Variants in ZNF518A observed in about 807,000 individuals in gnomAD.
ZNF518A encodes the protein zinc finger protein 518A.
ZNF518A carries 47 observed loss-of-function variants against 102.7 expected under a neutral mutation model. The observed-to-expected ratio is 0.46, with a 90% CI of 0.36 to 0.58. The LOEUF is 0.58. Among genes scored for constraint, ZNF518A ranks in the 20% least tolerant of loss-of-function variants. The pLI, the probability that ZNF518A is intolerant of heterozygous loss-of-function variation, is 0.00. For synonymous variants in ZNF518A, 652 were observed against 594.6 expected (o/e 1.10, Z -1.40); for missense variants, 1,793 against 1,699.8 (o/e 1.05, Z -0.96).
Position 96,159,152 on chromosome 10 carries a change from A to G in ZNF518A, c.2830A>G (p.Ile944Val), listed in dbSNP as rs782476866. Residue 944 changes from isoleucine to valine, a missense_variant, in exon 6 of 6, where the codon ATT becomes GTT. Transcript: ENST00000316045. ...AAAAGGATTCTTAATACCATTGAAC[A>G]TTACTAACAAGCCTGGGCTACCAGT... ...TSKGFLIPLNITNKPGLPVIP... is the reference protein window; with the variant it reads ...TSKGFLIPLNVTNKPGLPVIP... 6 of 1,613,500 alleles carry G rather than the reference A, an allele frequency of 3.7e-6. No homozygotes were observed. In the Admixed American group the frequency reaches 6.7e-5, roughly 18 times the overall value.
In ZNF518A at chr10:96,196,860, A is replaced by G. The variant is rs1554894793; in HGVS notation, n.36-6714A>G. On this transcript the variant is annotated intron_variant and non_coding_transcript_variant, in intron 1 of 2. Coordinates refer to the ZNF518A transcript ENST00000442635. ...ATCTAATACAGTATTTGATGTCATT[A>G]TACTCAATGCATAGTTATAGAATTG... 4 of 1,572,128 alleles carry G rather than the reference A, an allele frequency of 2.5e-6. No homozygotes were observed. In the African/African-American group the frequency reaches 5.4e-5, roughly 21 times the overall value.
rs1554889147 is a variant in ZNF518A, at chr10:96,163,484, AC to A, written c.*2711del. 1.2e-5 allele frequency: 2 copies of A among 166,968 alleles called. No individual in the cohort carries two copies. Among genetic ancestry groups the A allele is most frequent in the African/African-American group, 4.8e-5 (2 of 41,430 alleles). 10.3% of individuals were successfully genotyped at this position (166,968 alleles called of 1,614,324 possible). ...CCATCTCCACTGAAATGGGTTTCTT[AC>A]TATTTGGCAAGTACTTAAAAAACAT... On this transcript the variant is annotated 3_prime_UTR_variant, in exon 6 of 6. Coordinates refer to ENST00000316045, the MANE Select transcript of ZNF518A (RefSeq NM_001330736.2).
Position 96,162,045 on chromosome 10 carries a change from T to C in ZNF518A, c.*1271T>C, listed in dbSNP as rs2083020669. ...CTGGTTCTTTGGATAATGGAGTTCTTGTGTTAACAAATTACGTGCTATATG... is the reference window on the plus strand; with the variant it reads ...CTGGTTCTTTGGATAATGGAGTTCTCGTGTTAACAAATTACGTGCTATATG... On this transcript the variant is annotated 3_prime_UTR_variant, in exon 6 of 6. Coordinates refer to ENST00000316045, the MANE Select transcript of ZNF518A (RefSeq NM_001330736.2). The C allele has an allele frequency of 6.0e-6, 1 of 166,990 alleles. No homozygotes were observed. The highest frequency in any genetic ancestry group is 2.1e-4 in the South Asian group (1 of 4,834). 10.3% of individuals were successfully genotyped at this position (166,990 alleles called of 1,614,324 possible). A position where few individuals can be genotyped will look rare whatever the true frequency, so the allele number is the denominator to read the frequency against.
Position 96,157,235 on chromosome 10 carries a change from G to A in ZNF518A, c.913G>A (p.Ala305Thr). Reference protein sequence around the residue: ...LEKDKYEKRMAKTSAGLKLIL... With the variant: ...LEKDKYEKRMTKTSAGLKLIL... ...AAAAGACAAATATGAAAAAAGAATGGCAAAGACTTCTGCAGGACTTAAGCT... is the reference window on the plus strand; with the variant it reads ...AAAAGACAAATATGAAAAAAGAATGACAAAGACTTCTGCAGGACTTAAGCT... Residue 305 changes from alanine (A) to threonine (T), a missense_variant, in exon 6 of 6, where the codon GCA (alanine) becomes ACA (threonine). Transcript: ENST00000316045. 6.2e-7 allele frequency: 1 copy of A among 1,609,636 alleles called. No homozygotes were observed.
chr10:96,182,654 C>G (rs587732100), intron 1 of ZNF518A, among the ~76,000 whole-genome samples: 244 of 152,278 alleles, frequency 1.6e-3, no homozygotes, highest in African/African-American at 5.4e-3. Context: ...GTTGAACCAG[C>G]CTTGCATCCC....
In ZNF518A at chr10:96,158,553, C is replaced by T. The variant is rs61731062; in HGVS notation, c.2231C>T (p.Ala744Val). The change falls in exon 6 of 6, where the codon GCG becomes GTG. Residue 744 changes from alanine to valine, a missense_variant. Ala to Val is a moderately conservative substitution (Grantham distance 64). This residue lies in a region of ZNF518A where 1,741 missense variants were observed against 1,622.6 expected (regional missense o/e 1.07). Coordinates refer to ENST00000316045, the MANE Select transcript of ZNF518A (RefSeq NM_001330736.2). ...AATGAAAATCAAAATTTAGAGTGTG[C>T]GACTGAAAAATCTAAATGGGAAGAC... Reference protein sequence around the residue: ...YSNENQNLECATEKSKWEDFS... With the variant: ...YSNENQNLECVTEKSKWEDFS... The T allele has an allele frequency of 1.9e-4, 305 of 1,612,684 alleles. 1 individual carries two copies. The African/African-American group carries it at 3.1e-3, about 16-fold the overall frequency.
intron 3 of ZNF518A, among the ~76,000 whole-genome samples, chr10:96,146,147 T>C (rs1554878424): frequency 1.3e-5 from 2 of 152,208 alleles, no homozygotes; most frequent in African/African-American, 4.8e-5. Context: ...TGTTAATAAA[T>C]GTGAGTTTAC....
chr10:96,199,649 C>A, intron 1 of ZNF518A: 1 of 395,912 alleles, frequency 2.5e-6, no homozygotes, highest in Non-Finnish European at 5.1e-6. Flanking sequence ...ACACTTGTTG[C>A]AATTATTTAA....
intron 1 of ZNF518A, among the ~76,000 whole-genome samples, chr10:96,179,089 ACAT>A (rs1441708361): frequency 1.3e-5 from 2 of 152,132 alleles, no homozygotes; most frequent in Non-Finnish European, 2.9e-5. Flanking sequence ...TTTGATGAAG[ACAT>A]TGTAAGTAAA....
intron 1 of ZNF518A, among the ~76,000 whole-genome samples, chr10:96,201,495 T>C (rs1554896135): frequency 1.3e-5 from 2 of 152,242 alleles, no homozygotes; most frequent in Non-Finnish European, 2.9e-5. Context: ...TAACATGTAA[T>C]GAGTTTAATA....
rs995099426 is a variant in ZNF518A at position 96,163,102 on chromosome 10, C to T, written c.*2328C>T. ...TAATATTCGCAGCACTATAACATTACATTTCAGAATAGCCATATCAGGAAA... is the reference window on the plus strand; with the variant it reads ...TAATATTCGCAGCACTATAACATTATATTTCAGAATAGCCATATCAGGAAA... On this transcript the variant is annotated 3_prime_UTR_variant, in exon 6 of 6. Coordinates refer to ENST00000316045, the MANE Select transcript of ZNF518A (RefSeq NM_001330736.2). 4 of 167,010 alleles carry T rather than the reference C, an allele frequency of 2.4e-5. No individual in the cohort carries two copies. Among genetic ancestry groups the T allele is most frequent in the Admixed American group, 2.0e-4 (3 of 15,274 alleles). The allele number at this position is 167,010 out of a possible 1,614,324, so 10.3% of individuals were successfully genotyped here. A position where few individuals can be genotyped will look rare whatever the true frequency, so the allele number is the denominator to read the frequency against.
intron 3 of ZNF518A, among the ~76,000 whole-genome samples, chr10:96,142,305 G>GGGGTGT (rs1299273019): frequency 3.7e-4 from 39 of 104,132 alleles, no homozygotes; most frequent in East Asian, 7.4e-4. Context: ...ATATTCTTAG[G>GGGGTGT]GTGTGTGTGT....
At chr10:96,168,105 A>G (rs1031835071), downstream of ZNF518A, among the ~76,000 whole-genome samples, 12 of 152,344 alleles carry the variant, frequency 7.9e-5, no homozygotes, top group Admixed American at 7.2e-4. Context: ...AGGGAAGAAC[A>G]AGAGTTACGA....
chr10:96,147,501 T>C (rs1474462716), intron 3 of ZNF518A, among the ~76,000 whole-genome samples: 1 of 152,222 alleles, frequency 6.6e-6, no homozygotes, highest in African/African-American at 2.4e-5. Flanking sequence ...GTATATCTTA[T>C]AGTAACAACT....
At chr10:96,177,983 C>T (rs181582342) in intron 1 of ZNF518A, among the ~76,000 whole-genome samples, 32 of 152,076 alleles carry the variant, frequency 2.1e-4, no homozygotes, top group African/African-American at 5.3e-4. Flanking sequence ...GAAGTAAAAG[C>T]GACAGAACTA....
At chr10:96,143,196 C>A (rs1564749738) in intron 3 of ZNF518A, among the ~76,000 whole-genome samples, 1 of 152,170 alleles carries the variant, frequency 6.6e-6, no homozygotes, top group East Asian at 1.9e-4. Context: ...TTAATTTCCT[C>A]ATTTCTATTT....
chr10:96,160,689 G>A lies in ZNF518A; in HGVS notation c.4367G>A (p.Arg1456Lys), dbSNP rs2082963234. Residue 1456 changes from arginine to lysine, a missense_variant, in exon 6 of 6, where the codon AGA becomes AAA. Arg to Lys is a conservative substitution (Grantham distance 26, BLOSUM62 2). Transcript: ENST00000316045. ...AAATTTAACTGTTGGTTTTGTGGTA[G>A]AGTATTTGACAATCAGGATACTTGG... is the stretch of plus-strand genomic sequence containing the variant. Reference protein sequence around the residue: ...KAKFNCWFCGRVFDNQDTWAG... With the variant: ...KAKFNCWFCGKVFDNQDTWAG... 3.7e-6 allele frequency: 6 copies of A among 1,612,970 alleles called. No homozygotes were observed. The East Asian group carries it at 1.3e-4, about 36-fold the overall frequency.
At chr10:96,170,879 A>C (rs1554890825) in intron 1 of ZNF518A, among the ~76,000 whole-genome samples, 1 of 152,176 alleles carries the variant, frequency 6.6e-6, no homozygotes, top group Non-Finnish European at 1.5e-5. Context: ...ACAACTTAGG[A>C]GACGTAACCC....
At chr10:96,142,308 GTGTGTGTGTGTGT>G (rs2081969523) in intron 3 of ZNF518A, among the ~76,000 whole-genome samples, 402 of 94,292 alleles carry the variant, frequency 4.3e-3, no homozygotes, top group Admixed American at 6.7e-3. Context: ...TTCTTAGGGT[GTGTGTGTGTGTGT>G]GTGTGTGTGT....
Sources: gnomAD v4.1 joint callset for allele counts (sites outside exome capture counted in the v4.1 genomes callset) on GRCh38, gnomAD v4.1.1 for gene constraint, gnomAD v4.1.1 regional missense constraint, MANE v1.5 for transcripts, NCBI Gene and HGNC (gene_info 2026-07-23, HGNC 2026-07-21) for gene names.